MAL: variants seen among roughly 807,000 people sequenced by gnomAD.
MAL encodes the protein mal, T cell differentiation protein (MAL blood group), also known as myelin and lymphocyte protein.
Under a neutral mutation model 16.7 loss-of-function variants are expected in MAL, and 5 were observed. The ratio of observed to expected loss-of-function variants is 0.30; its 90% CI spans 0.16 to 0.63. MAL has a LOEUF of 0.63. Among genes scored for constraint, MAL ranks in the 30% least tolerant of loss-of-function variants. The pLI is 0.82. For synonymous variants in MAL, 96 were observed against 85.5 expected (o/e 1.12, Z -0.67); for missense variants, 202 against 195.8 (o/e 1.03, Z -0.19).
At chr2:95,049,025 C>G (rs1674653235) in intron 2 of MAL, among the ~76,000 whole-genome samples, 1 of 152,098 alleles carries the variant, frequency 6.6e-6, no homozygotes, top group South Asian at 2.1e-4. Context: ...AACTATGTTT[C>G]CCAGGCTGGT....
At chr2:95,039,068 G>C (rs566006588) in intron 1 of MAL, among the ~76,000 whole-genome samples, 2 of 151,060 alleles carry the variant, frequency 1.3e-5, no homozygotes, top group East Asian at 2.0e-4. Flanking sequence ...GAGTGAGTGA[G>C]TGAGTGACTG....
At chr2:95,028,152 C>CAAAAAAAAAAAA (rs898443996) in intron 1 of MAL, among the ~76,000 whole-genome samples, 10 of 39,506 alleles carry the variant, frequency 2.5e-4, no homozygotes, top group Admixed American at 6.2e-4. Context: ...ACTAAAAATA[C>CAAAAAAAAAAAA]AAAAAAAAAA....
chr2:95,052,150 T>C (rs1217657717), intron 3 of MAL, among the ~76,000 whole-genome samples: 1 of 152,180 alleles, frequency 6.6e-6, no homozygotes, highest in Non-Finnish European at 1.5e-5. Context: ...TCTGGAGAAA[T>C]CTGGAGGTTT....
At chr2:95,031,244 A>C (rs1282627694) in intron 1 of MAL, among the ~76,000 whole-genome samples, 1 of 152,120 alleles carries the variant, frequency 6.6e-6, no homozygotes, top group African/African-American at 2.4e-5. Context: ...TTTTGCTTGC[A>C]CTAGAAGGCA....
At chr2:95,049,824 C>A in intron 3 of MAL, 118 bp downstream of exon 3, 3 of 1,407,902 alleles carry the variant, frequency 2.1e-6, no homozygotes, top group Non-Finnish European at 2.9e-6. Flanking sequence ...TGAGTGAGGT[C>A]AAACCTTGCC....
intron 1 of MAL, among the ~76,000 whole-genome samples, chr2:95,029,590 C>T (rs1228108143): frequency 6.6e-6 from 1 of 152,212 alleles, no homozygotes; most frequent in Non-Finnish European, 1.5e-5. Flanking sequence ...GGAAATGTCT[C>T]CCAGAGACAC....
At chr2:95,038,303 GGTGA>G (rs1674307028) in intron 1 of MAL, among the ~76,000 whole-genome samples, 1 of 108,184 alleles carries the variant, frequency 9.2e-6, no homozygotes, top group Non-Finnish European at 1.9e-5. Context: ...TGAGTGACTT[GGTGA>G]GTGAGTGACT....
At chr2:95,036,657 G>A (rs1674213422) in intron 1 of MAL, among the ~76,000 whole-genome samples, 1 of 152,240 alleles carries the variant, frequency 6.6e-6, no homozygotes, top group Non-Finnish European at 1.5e-5. Flanking sequence ...GAGTGAGTAA[G>A]AGAGTGAGTG....
chr2:95,043,514 G>A (rs976785775), intron 1 of MAL, among the ~76,000 whole-genome samples: 8 of 152,258 alleles, frequency 5.3e-5, no homozygotes, highest in African/African-American at 1.9e-4. Context: ...TCGGAGGACA[G>A]CTCCTCTGAG....
chr2:95,032,084 G>A (rs1007525602), intron 1 of MAL, among the ~76,000 whole-genome samples: 4 of 152,230 alleles, frequency 2.6e-5, no homozygotes, highest in Non-Finnish European at 5.9e-5. Context: ...ACAGGGATGG[G>A]GCAATGCCAG....
chr2:95,043,808 G>A (rs1674524617), intron 1 of MAL, among the ~76,000 whole-genome samples: 1 of 152,170 alleles, frequency 6.6e-6, no homozygotes, highest in Non-Finnish European at 1.5e-5. Context: ...GTCCTCCCTG[G>A]GCATCTCCTG....
In MAL at chr2:95,046,112, C is replaced by T. The variant is rs540701786; in HGVS notation, c.94-1847C>T. On this transcript the variant is annotated intron_variant, in intron 1 of 3. Coordinates refer to ENST00000309988, the MANE Select transcript of MAL (RefSeq NM_002371.4). ...TTTTTCTACCCAAATGCAATTCTCTCCTGATTGCTTCTCAGTCAAGCAGCT... is the reference window on the plus strand; with the variant it reads ...TTTTTCTACCCAAATGCAATTCTCTTCTGATTGCTTCTCAGTCAAGCAGCT... Among the ~76,000 whole-genome samples the T allele has an allele frequency of 5.3e-5, 8 of 152,320 alleles. No individual in the cohort carries two copies. The East Asian group carries it at 1.5e-3, about 29-fold the overall frequency.
At chr2:95,050,881 TC>T (rs1674701687) in intron 3 of MAL, among the ~76,000 whole-genome samples, 1 of 152,126 alleles carries the variant, frequency 6.6e-6, no homozygotes, top group Non-Finnish European at 1.5e-5. Flanking sequence ...TGATCTTCCT[TC>T]CTGGGGAGGC....
intron 3 of MAL, among the ~76,000 whole-genome samples, chr2:95,051,169 C>T (rs1045791651): frequency 6.6e-6 from 1 of 152,208 alleles, no homozygotes; most frequent in African/African-American, 2.4e-5. Context: ...GCTCTACTGC[C>T]TTCTGACTTT....
In MAL at chr2:95,053,846, G is replaced by C. The variant is rs537197712; in HGVS notation, c.*391G>C. On this transcript the variant is annotated 3_prime_UTR_variant, in exon 4 of 4. Coordinates refer to ENST00000309988, the MANE Select transcript of MAL (RefSeq NM_002371.4). ...GTTGGTATTGTCCACAAGCTCTCCC[G>C]AGCGCCCCATCTTGTGCCATGTTTT... 1 of 204,958 alleles carries C rather than the reference G, an allele frequency of 4.9e-6. No individual in the cohort carries two copies. The highest frequency in any genetic ancestry group is 2.3e-5 in the African/African-American group (1 of 44,052). 12.7% of individuals were successfully genotyped at this position (204,958 alleles called of 1,614,324 possible).
chr2:95,049,866 G>A lies in MAL; in HGVS notation c.387+160G>A, dbSNP rs372719044. Among the ~76,000 whole-genome samples, 10 of 152,246 alleles carry A rather than the reference G, an allele frequency of 6.6e-5. No homozygotes were observed. In the East Asian group the frequency reaches 1.9e-3, roughly 29 times the overall value. On this transcript the variant is annotated intron_variant, in intron 3 of 3. Coordinates refer to ENST00000309988, the MANE Select transcript of MAL (RefSeq NM_002371.4). ...CCTGGAGCAGGAAAGCCCCCGAGAAGGGCAGTGTCATGTTGTGCCCAAGAC... is the reference window on the plus strand; with the variant it reads ...CCTGGAGCAGGAAAGCCCCCGAGAAAGGCAGTGTCATGTTGTGCCCAAGAC...
At chr2:95,037,832 GTGAC>G (rs1674282048) in intron 1 of MAL, among the ~76,000 whole-genome samples, 1 of 151,856 alleles carries the variant, frequency 6.6e-6, no homozygotes, top group East Asian at 2.0e-4. Flanking sequence ...CAGTGAGTGA[GTGAC>G]TGAGTGACTG....
In MAL at chr2:95,025,817, G is replaced by T; in HGVS notation, c.25G>T (p.Gly9Cys). 1 of 1,570,394 alleles carries T rather than the reference G, an allele frequency of 6.4e-7. No homozygotes were observed. Among genetic ancestry groups the T allele is most frequent in the South Asian group, 1.2e-5 (1 of 84,342 alleles). Residue 9 changes from glycine (G) to cysteine (C), a missense_variant, in exon 1 of 4, where the codon GGC (glycine) becomes TGC (cysteine). By Grantham distance (159) the Gly-to-Cys change is radical. Coordinates refer to ENST00000309988, the MANE Select transcript of MAL (RefSeq NM_002371.4). The surrounding 1 kb of genome is among the most constrained non-coding windows in gnomAD (Gnocchi z 5.6). ...CATGGCCCCCGCAGCGGCGACGGGG[G>T]GCAGCACCCTGCCCAGTGGCTTCTC... MAPAAATG[G>C]STLPSGFSVF...
chr2:95,047,872 G>A, intron 1 of MAL, 87 bp from the exon 2 acceptor site: 1 of 1,347,344 alleles, frequency 7.4e-7, no homozygotes, highest in Admixed American at 2.2e-5. Context: ...TTGCACTCCA[G>A]TCACCCCATG....
Sources: allele counts gnomAD v4.1 joint callset (sites outside exome capture counted in the v4.1 genomes callset), GRCh38; gene constraint gnomAD v4.1.1; non-coding constraint Gnocchi (gnomAD v3.1); transcripts MANE v1.5; gene names NCBI Gene and HGNC (gene_info 2026-07-23, HGNC 2026-07-21).